Variants in ENTREP2 observed in about 807,000 individuals in gnomAD.
ENTREP2 encodes protein ENTREP2.
chr15:29,586,571 G>A, the ENTREP2 span, among the ~76,000 whole-genome samples: 1 of 152,110 alleles, frequency 6.6e-6, no homozygotes, highest in African/African-American at 2.4e-5. Flanking sequence ...AGCACTTTGG[G>A]AGGCCAAGGT....
chr15:29,316,324 T>C, the ENTREP2 span, among the ~76,000 whole-genome samples: 1 of 151,960 alleles, frequency 6.6e-6, no homozygotes, highest in African/African-American at 2.4e-5. Flanking sequence ...CTCTGCTCAC[T>C]GGGGCCAGCA....
At chr15:29,444,459 TTTTTTTTC>T in the ENTREP2 span, among the ~76,000 whole-genome samples, 7 of 114,816 alleles carry the variant, frequency 6.1e-5, no homozygotes, top group Non-Finnish European at 8.3e-5. Context: ...AGCTTCCTTC[TTTTTTTTC>T]TTTTTTTCTT....
the ENTREP2 span, among the ~76,000 whole-genome samples, chr15:29,358,813 CTG>C: frequency 6.6e-6 from 1 of 151,836 alleles, no homozygotes; most frequent in Non-Finnish European, 1.5e-5. Context: ...AAAAGAGTGA[CTG>C]AAACAATCCC....
the ENTREP2 span, among the ~76,000 whole-genome samples, chr15:29,651,849 G>C: frequency 6.6e-6 from 1 of 152,226 alleles, no homozygotes. Context: ...GTGCCCCTTA[G>C]TTCAAGCAGC....
the ENTREP2 span, among the ~76,000 whole-genome samples, chr15:29,409,373 G>A: frequency 3.3e-5 from 5 of 150,208 alleles, no homozygotes; most frequent in Admixed American, 6.6e-5. Context: ...ATGGAGTCTC[G>A]CTTTGTTGCC....
the ENTREP2 span, among the ~76,000 whole-genome samples, chr15:29,304,101 T>G: frequency 1.3e-5 from 2 of 152,148 alleles, no homozygotes; most frequent in African/African-American, 4.8e-5. Flanking sequence ...TAGGCTCATC[T>G]TGAACCTCTG....
chr15:29,353,553 T>G, the ENTREP2 span, among the ~76,000 whole-genome samples: 2 of 152,230 alleles, frequency 1.3e-5, no homozygotes, highest in Non-Finnish European at 2.9e-5. Context: ...AGGCTAACAC[T>G]GACTGCATTT....
chr15:29,177,560 C>G, the ENTREP2 span, among the ~76,000 whole-genome samples: 1 of 152,168 alleles, frequency 6.6e-6, no homozygotes, highest in Admixed American at 6.5e-5. Context: ...ACGCAGCAAG[C>G]ACAGAGATGA....
chr15:29,388,865 CA>C, the ENTREP2 span, among the ~76,000 whole-genome samples: 1 of 146,168 alleles, frequency 6.8e-6, no homozygotes, highest in African/African-American at 2.5e-5. Context: ...ATCGCAAGGA[CA>C]AAAAACCAAA....
chr15:29,536,675 A>G, the ENTREP2 span, among the ~76,000 whole-genome samples: 1 of 152,122 alleles, frequency 6.6e-6, no homozygotes, highest in African/African-American at 2.4e-5. Context: ...GTTTATTTGG[A>G]AAGAAGGTCT....
chr15:29,372,374 T>C, the ENTREP2 span, among the ~76,000 whole-genome samples: 3 of 152,238 alleles, frequency 2.0e-5, no homozygotes, highest in Non-Finnish European at 2.9e-5. Context: ...ATTGTAAGAA[T>C]ACAGCATATA....
the ENTREP2 span, among the ~76,000 whole-genome samples, chr15:29,281,770 G>T: frequency 1.3e-5 from 2 of 152,218 alleles, no homozygotes; most frequent in African/African-American, 4.8e-5. Flanking sequence ...CTTCCCAGCT[G>T]ACATCTGTAG....
chr15:29,340,980 C>T, the ENTREP2 span, among the ~76,000 whole-genome samples: 7 of 152,178 alleles, frequency 4.6e-5, no homozygotes, highest in Non-Finnish European at 8.8e-5. Flanking sequence ...TGCCAGGCCC[C>T]ATGGGAGAGC....
At chr15:29,186,170 G>A in the ENTREP2 span, among the ~76,000 whole-genome samples, 1 of 152,196 alleles carries the variant, frequency 6.6e-6, no homozygotes, top group Admixed American at 6.5e-5. Flanking sequence ...ACCATGTGGT[G>A]TGTGCTAACC....
chr15:29,578,486 C>G, the ENTREP2 span, among the ~76,000 whole-genome samples: 1 of 152,056 alleles, frequency 6.6e-6, no homozygotes, highest in Admixed American at 6.6e-5. Context: ...TGTCTTTGTT[C>G]GTTAGGTTTA....
At chr15:29,157,116 T>A in the ENTREP2 span, among the ~76,000 whole-genome samples, 2 of 151,816 alleles carry the variant, frequency 1.3e-5, no homozygotes, top group Non-Finnish European at 2.9e-5. Context: ...AAATAAAAAA[T>A]AAAACACCTG....
the ENTREP2 span, among the ~76,000 whole-genome samples, chr15:29,195,891 C>G: frequency 3.0e-3 from 455 of 152,302 alleles, 1 homozygote; most frequent in African/African-American, 0.01. Context: ...ATTGGGTTCA[C>G]TCTTCTTATG....
the ENTREP2 span, among the ~76,000 whole-genome samples, chr15:29,566,147 T>A: frequency 6.6e-6 from 1 of 151,714 alleles, no homozygotes; most frequent in Non-Finnish European, 1.5e-5. Flanking sequence ...TGTGTATATA[T>A]ATTTTTTGTT....
the ENTREP2 span, among the ~76,000 whole-genome samples, chr15:29,178,612 C>G: frequency 6.6e-6 from 1 of 152,014 alleles, no homozygotes; most frequent in Non-Finnish European, 1.5e-5. Context: ...GGTCATCTTC[C>G]TTTGCTCACC....
Sources: allele counts gnomAD v4.1 joint callset (sites outside exome capture counted in the v4.1 genomes callset), GRCh38; gene constraint gnomAD v4.1.1; transcripts MANE v1.5; gene names NCBI Gene and HGNC (gene_info 2026-07-23, HGNC 2026-07-21).